CSPG5: variants seen among roughly 807,000 people sequenced by gnomAD.
The protein encoded by CSPG5 is chondroitin sulfate proteoglycan 5, also known as acidic leucine-rich EGF-like domain-containing brain protein.
Under a neutral mutation model 39.8 loss-of-function variants are expected in CSPG5, and 25 were observed. The ratio of observed to expected loss-of-function variants is 0.63; its 90% confidence interval spans 0.46 to 0.88. The LOEUF is 0.88. Among genes scored for constraint, CSPG5 ranks in the 40% least tolerant of loss-of-function variants. The pLI is 0.00. For synonymous variants in CSPG5, 295 were observed against 303.9 expected (o/e 0.97, Z 0.31); for missense variants, 627 against 702.2 (o/e 0.89, Z 1.21).
chr3:47,568,734 C>T (rs1315233589), intron 4 of CSPG5, among the ~76,000 whole-genome samples: 1 of 152,156 alleles, frequency 6.6e-6, no homozygotes, highest in African/African-American at 2.4e-5. Context: ...AAGATCTTCT[C>T]AGCCAGGCAG....
chr3:47,569,707 C>T (rs1038718041), intron 3 of CSPG5, among the ~76,000 whole-genome samples: 3 of 150,778 alleles, frequency 2.0e-5, no homozygotes, highest in Admixed American at 6.6e-5. Context: ...CAGAATTGTA[C>T]CTGGTGCTGG....
intron 4 of CSPG5, among the ~76,000 whole-genome samples, chr3:47,566,796 T>C (rs1001393746): frequency 6.6e-6 from 1 of 152,148 alleles, no homozygotes; most frequent in Non-Finnish European, 1.5e-5. Flanking sequence ...CCCATCACCC[T>C]GTCTCAGGCA....
At chr3:47,579,326 C>G (rs892315207), upstream of CSPG5, 1 of 152,304 alleles carries the variant, frequency 6.6e-6, no homozygotes, top group Non-Finnish European at 1.5e-5. The surrounding 1 kb of genome is among the most constrained non-coding windows in gnomAD (Gnocchi z 4.2). Context: ...TGGAGCCTCT[C>G]GGATTCTGCA....
intron 4 of CSPG5, among the ~76,000 whole-genome samples, chr3:47,565,321 CAA>C (rs1250801992): frequency 6.6e-6 from 1 of 152,198 alleles, no homozygotes; most frequent in Non-Finnish European, 1.5e-5. Context: ...CCAACAAACA[CAA>C]GAGGCAAAGG....
chr3:47,571,095 T>TAAAAA (rs138935167), intron 3 of CSPG5, among the ~76,000 whole-genome samples: 2 of 143,076 alleles, frequency 1.4e-5, no homozygotes. Context: ...TCAATTAAAT[T>TAAAAA]AAAAAAAAAA....
chr3:47,566,473 G>A (rs1448390136), intron 4 of CSPG5, among the ~76,000 whole-genome samples: 1 of 152,192 alleles, frequency 6.6e-6, no homozygotes, highest in Non-Finnish European at 1.5e-5. Flanking sequence ...ATGCCCACAA[G>A]ATCTTGAATA....
In CSPG5 at chr3:47,578,638, A is replaced by C. The variant is rs2031876392; in HGVS notation, c.56T>G (p.Phe19Cys). The C allele has an allele frequency of 9.7e-6, 11 of 1,132,068 alleles. No individual in the cohort carries two copies. The highest frequency in any genetic ancestry group is 4.4e-5 in the East Asian group (1 of 22,962). The allele number at this position is 1,132,068 out of a possible 1,614,324, so 70.1% of individuals were successfully genotyped here. ...PGRGPPPLLLFLGAALVLASG... is the reference protein window; with the variant it reads ...PGRGPPPLLLCLGAALVLASG... Reference sequence around the variant, plus strand: ...GGCCAGGACCAGCGCGGCCCCCAGAAACAGCAGCAGTGGCGGCGGCCCCCG... The same window carrying C: ...GGCCAGGACCAGCGCGGCCCCCAGACACAGCAGCAGTGGCGGCGGCCCCCG... Residue 19 changes from phenylalanine (F) to cysteine (C), a missense_variant, in exon 1 of 5, where the codon TTT becomes TGT. By Grantham distance (205) the Phe-to-Cys change is radical. Transcript: ENST00000264723. This position sits in a 1 kb window ranked among gnomAD's most constrained non-coding sequence, Gnocchi z 6.0.
At chr3:47,565,430 A>G (rs1239414119) in intron 4 of CSPG5, among the ~76,000 whole-genome samples, 2 of 152,190 alleles carry the variant, frequency 1.3e-5, no homozygotes, top group Non-Finnish European at 2.9e-5. Context: ...AGCAGGTCCA[A>G]CTGCCTTTGA....
intron 4 of CSPG5, among the ~76,000 whole-genome samples, chr3:47,563,946 T>C (rs1043544181): frequency 6.6e-6 from 1 of 152,230 alleles, no homozygotes; most frequent in African/African-American, 2.4e-5. Flanking sequence ...CTGTGGCAAA[T>C]CTTGCTTTAC....
Position 47,578,137 on chromosome 3 carries a change from G to A in CSPG5, c.98-209C>T. 1.3e-6 allele frequency: 1 copy of A among 748,834 alleles called. No homozygotes were observed. Among genetic ancestry groups the A allele is most frequent in the Non-Finnish European group, 1.8e-6 (1 of 547,728 alleles). 46.4% of individuals were successfully genotyped at this position (748,834 alleles called of 1,614,324 possible). A position where few individuals can be genotyped will look rare whatever the true frequency, so the allele number is the denominator to read the frequency against. On this transcript the variant is annotated intron_variant, in intron 1 of 4. Coordinates refer to ENST00000264723, the MANE Select transcript of CSPG5 (RefSeq NM_006574.4). The surrounding 1 kb of genome is among the most constrained non-coding windows in gnomAD (Gnocchi z 6.0). ...GCCCCCAAGACGAGGATCACACCCCGCCCAACGCCTCGCGGCTCGGCCCCG... is the reference window on the plus strand; with the variant it reads ...GCCCCCAAGACGAGGATCACACCCCACCCAACGCCTCGCGGCTCGGCCCCG...
intron 4 of CSPG5, among the ~76,000 whole-genome samples, chr3:47,565,923 C>G (rs748253470): frequency 4.6e-5 from 7 of 152,306 alleles, no homozygotes; most frequent in Non-Finnish European, 7.3e-5. Flanking sequence ...CCTGACATAC[C>G]CTTCAAGGCT....
chr3:47,562,600 T>C lies in CSPG5; in HGVS notation c.1620A>G (p.Ter540=). 6.2e-7 allele frequency: 1 copy of C among 1,603,730 alleles called. No individual in the cohort carries two copies. Among genetic ancestry groups the C allele is most frequent in the South Asian group, 1.1e-5 (1 of 90,532 alleles). ...DVNCLQNNLT[*] ...CCGCTTCCTCTCTTCTTGCTCTGCT[T>C]TAGGTTAAATTATTCTGAAGACAGT... Residue 540 remains the stop codon, a stop_retained_variant, in exon 5 of 5, where the codon TAA becomes TAG. Coordinates refer to ENST00000264723, the MANE Select transcript of CSPG5 (RefSeq NM_006574.4).
Position 47,578,122 on chromosome 3 carries a change from C to G in CSPG5, c.98-194G>C. On this transcript the variant is annotated intron_variant, in intron 1 of 4. Coordinates refer to ENST00000264723, the MANE Select transcript of CSPG5 (RefSeq NM_006574.4). The surrounding 1 kb of genome is among the most constrained non-coding windows in gnomAD (Gnocchi z 6.0). ...CCCGTCCCGGAGTCTGCCCCCAAGA[C>G]GAGGATCACACCCCGCCCAACGCCT... 2 of 853,854 alleles carry G rather than the reference C, an allele frequency of 2.3e-6. No individual in the cohort carries two copies. The highest frequency in any genetic ancestry group is 3.1e-6 in the Non-Finnish European group (2 of 637,478). 52.9% of individuals were successfully genotyped at this position (853,854 alleles called of 1,614,324 possible).
chr3:47,565,722 C>G lies in CSPG5; in HGVS notation c.1459-2961G>C, dbSNP rs572941829. On this transcript the variant is annotated intron_variant, in intron 4 of 4. Transcript: ENST00000264723. ...GCACAGGAACATCAATGGAGAAATC[C>G]TAGGAATAAACTGAAATCCCGGAAG... is the stretch of plus-strand genomic sequence containing the variant. Among the ~76,000 whole-genome samples the G allele has an allele frequency of 3.9e-5, 6 of 151,954 alleles. No individual in the cohort carries two copies. In the South Asian group the frequency reaches 8.3e-4, roughly 21 times the overall value.
intron 2 of CSPG5, among the ~76,000 whole-genome samples, chr3:47,575,891 CT>C (rs1276516134): frequency 6.7e-6 from 1 of 150,030 alleles, no homozygotes; most frequent in African/African-American, 2.5e-5. Context: ...CAACCCAGCC[CT>C]TTTTCCAAAA....
intron 4 of CSPG5, among the ~76,000 whole-genome samples, chr3:47,567,070 C>T (rs1312194648): frequency 6.6e-6 from 1 of 152,184 alleles, no homozygotes. Context: ...TAGCCAAGCC[C>T]TCCAAGAGGA....
chr3:47,579,907 G>A (rs2031926653), upstream of CSPG5: 1 of 152,194 alleles, frequency 6.6e-6, no homozygotes, highest in African/African-American at 2.4e-5. This position sits in a 1 kb window ranked among gnomAD's most constrained non-coding sequence, Gnocchi z 4.2. Flanking sequence ...ACAGTTCAGG[G>A]TATCAGCCCA....
chr3:47,572,948 C>G lies in CSPG5; in HGVS notation c.1194-74G>C. ...GCCACAGTAAGGGCCTGGGCCCTGA[C>G]CCCAACACCTATCTCCACAGCCTGT... On this transcript the variant is annotated intron_variant, in intron 2 of 4. Coordinates refer to ENST00000264723, the MANE Select transcript of CSPG5 (RefSeq NM_006574.4). This position sits in a 1 kb window ranked among gnomAD's most constrained non-coding sequence, Gnocchi z 4.5. The G allele has an allele frequency of 3.9e-6, 5 of 1,287,312 alleles. No homozygotes were observed. In the South Asian group the frequency reaches 5.6e-5, roughly 14 times the overall value. 79.7% of individuals were successfully genotyped at this position (1,287,312 alleles called of 1,614,324 possible). A position where few individuals can be genotyped will look rare whatever the true frequency, so the allele number is the denominator to read the frequency against.
At chr3:47,562,809 C>T (rs4858839) in intron 4 of CSPG5, 48 bp from the exon 5 acceptor site, 1,363,101 of 1,373,670 alleles carry the variant, frequency 0.99, 676,888 homozygotes, top group East Asian at 1. Context: ...CATACAGCAA[C>T]CAAATAATAA....
Sources: gnomAD v4.1 joint callset for allele counts (sites outside exome capture counted in the v4.1 genomes callset) on GRCh38, gnomAD v4.1.1 for gene constraint, Gnocchi (gnomAD v3.1) non-coding constraint, MANE v1.5 for transcripts, NCBI Gene and HGNC (gene_info 2026-07-23, HGNC 2026-07-21) for gene names.